The following JAML variants were observed in gnomAD, a reference collection of about 807,000 sequenced individuals.
JAML encodes junction adhesion molecule like.
JAML carries 25 observed loss-of-function variants against 39.3 expected under a neutral mutation model. That is an observed-to-expected ratio of 0.64 (90% confidence interval 0.46 to 0.89). The LOEUF is 0.89. Ranked by LOEUF, JAML falls within the 40% of genes least tolerant of loss-of-function variation. JAML has a pLI of 0.00. For synonymous variants in JAML, 162 were observed against 179.2 expected, an observed-to-expected ratio of 0.90 and a Z score of 0.77; for missense variants, 440 against 486.9, an observed-to-expected ratio of 0.90 and a Z score of 0.91.
chr11:118,198,182 G>C (rs2134642654), intron 7 of JAML, 91 bp from the exon 8 acceptor site: 2 of 1,051,472 alleles, frequency 1.9e-6, no homozygotes, highest in South Asian at 2.7e-5. Flanking sequence ...TTCGTGAAGA[G>C]AGAGACACCA....
At chr11:118,209,026 G>A (rs1174229138) in intron 4 of JAML, 1 of 238,570 alleles carries the variant, frequency 4.2e-6, no homozygotes, top group Non-Finnish European at 8.7e-6. Flanking sequence ...CTAGATTCTG[G>A]GGGAAGAATT....
chr11:118,214,972 C>A, intron 1 of JAML, 86 bp from the exon 2 acceptor site: 1 of 1,241,596 alleles, frequency 8.1e-7, no homozygotes, highest in Non-Finnish European at 1.2e-6. Context: ...CTATACGGAG[C>A]AGCCTCTGTT....
intron 8 of JAML, chr11:118,197,776 C>T: frequency 1.9e-6 from 1 of 521,718 alleles, no homozygotes. Context: ...CTTTCCTCAG[C>T]CCAATACCAG....
rs759203193 is a variant in JAML, at chr11:118,194,322, T to C, written c.*3A>G. The C allele has an allele frequency of 6.2e-7, 1 of 1,612,598 alleles. No individual in the cohort carries two copies. The highest frequency in any genetic ancestry group is 1.1e-5 in the South Asian group (1 of 91,040). On this transcript the variant is annotated 3_prime_UTR_variant, in exon 10 of 10. Coordinates refer to ENST00000356289, the MANE Select transcript of JAML (RefSeq NM_001098526.2). ...GCTGAGATGAAGGGACTCTCCATTC[T>C]TCTCAAAAGGCTTGCTGTGTTTTTG...
At chr11:118,202,836 T>C in intron 6 of JAML, 2 of 405,742 alleles carry the variant, frequency 4.9e-6, no homozygotes, top group Admixed American at 5.2e-5. Flanking sequence ...AACTGGGTTA[T>C]GGTTTAACTT....
chr11:118,194,149 G>A lies in JAML; in HGVS notation c.*176C>T. On this transcript the variant is annotated 3_prime_UTR_variant, in exon 10 of 10. Coordinates refer to ENST00000356289, the MANE Select transcript of JAML (RefSeq NM_001098526.2). ...TCCCCTCAGCAGGCCTGTTCCTCCA[G>A]AGCTGTCCAGTCTCTCTGCCAGGCT... is the stretch of plus-strand genomic sequence containing the variant. 1 of 606,844 alleles carries A rather than the reference G, an allele frequency of 1.6e-6. No individual in the cohort carries two copies. The highest frequency in any genetic ancestry group is 3.0e-6 in the Non-Finnish European group (1 of 334,160). 37.6% of individuals were successfully genotyped at this position (606,844 alleles called of 1,614,324 possible).
intron 1 of JAML, among the ~76,000 whole-genome samples, chr11:118,223,248 GA>G (rs1949228130): frequency 6.6e-6 from 1 of 152,030 alleles, no homozygotes; most frequent in Non-Finnish European, 1.5e-5. Flanking sequence ...TCCATAGGTC[GA>G]ACACTGAAAT....
At chr11:118,200,806 A>G (rs1793171) in intron 6 of JAML, 194 bp from the exon 7 acceptor site, 14,271 of 554,488 alleles carry the variant, frequency 0.026, 1,587 homozygotes, top group African/African-American at 0.24. Flanking sequence ...CGTTTACCCT[A>G]AAATGTAGAT....
At chr11:118,203,086 C>T (rs1487142913) in intron 6 of JAML, 1 of 489,136 alleles carries the variant, frequency 2.0e-6, no homozygotes, top group Non-Finnish European at 4.0e-6. Context: ...AGTATGCTGA[C>T]TTTGGACATC....
In JAML at chr11:118,194,619, C is replaced by A. The variant is rs1294057061; in HGVS notation, c.1093-202G>T. On this transcript the variant is annotated intron_variant, in intron 9 of 9. Transcript: ENST00000356289. ...ATAAGGAAACTGAGGCTCAGACAGG[C>A]CAAGTTACTGCCCAAGACCATCTGG... 2.6e-5 allele frequency among the ~76,000 whole-genome samples: 4 copies of A among 152,238 alleles called. No individual in the cohort carries two copies. In the East Asian group the frequency reaches 5.8e-4, roughly 22 times the overall value.
intron 1 of JAML, among the ~76,000 whole-genome samples, chr11:118,220,284 A>C (rs1949196777): frequency 6.6e-6 from 1 of 152,156 alleles, no homozygotes; most frequent in Admixed American, 6.5e-5. Context: ...CAGTGCAGAG[A>C]AGTCTTTCTG....
chr11:118,212,624 A>G lies in JAML; in HGVS notation c.44-63T>C, dbSNP rs550322061. ...CAAATACTCTCAACAACAAAAATCA[A>G]TTCCAATCATGGAGTACTAAACACC... On this transcript the variant is annotated intron_variant, in intron 2 of 9. Coordinates refer to ENST00000356289, the MANE Select transcript of JAML (RefSeq NM_001098526.2). The G allele has an allele frequency of 1.6e-4, 260 of 1,580,686 alleles. 4 individuals are homozygous for G. The South Asian group carries it at 2.7e-3, about 16-fold the overall frequency.
At chr11:118,219,952 C>T (rs1044493651) in intron 1 of JAML, among the ~76,000 whole-genome samples, 9 of 152,234 alleles carry the variant, frequency 5.9e-5, no homozygotes, top group Non-Finnish European at 7.3e-5. Context: ...CCTCTGGTGA[C>T]TTATGACAAC....
At chr11:118,199,325 C>A (rs773768321) in intron 7 of JAML, among the ~76,000 whole-genome samples, 2 of 152,128 alleles carry the variant, frequency 1.3e-5, no homozygotes, top group Non-Finnish European at 2.9e-5. Context: ...CTCAGTGCTC[C>A]GAGCATGCCC....
chr11:118,206,762 C>A (rs542026186), intron 4 of JAML, among the ~76,000 whole-genome samples: 41 of 152,272 alleles, frequency 2.7e-4, no homozygotes, highest in African/African-American at 9.4e-4. Context: ...GTACAAGCAG[C>A]TGACCCACCA....
intron 6 of JAML, chr11:118,203,058 G>A: frequency 2.1e-6 from 1 of 470,164 alleles, no homozygotes; most frequent in Admixed American, 2.3e-5. Flanking sequence ...AACACATACA[G>A]CACCTCCCTT....
At chr11:118,219,255 CAA>C (rs1315573126) in intron 1 of JAML, among the ~76,000 whole-genome samples, 5 of 151,998 alleles carry the variant, frequency 3.3e-5, no homozygotes, top group African/African-American at 9.7e-5. Context: ...TGGTTATTAT[CAA>C]AAAGACAAAA....
rs771661391 is a variant in JAML, at chr11:118,196,715, G to C, written c.1092+20C>G. Reference sequence around the variant, plus strand: ...TGAGCCTCTGACACCTGGCTCAGCTGAGGCCAGAATCATTCTCACCATGGT... The same window carrying C: ...TGAGCCTCTGACACCTGGCTCAGCTCAGGCCAGAATCATTCTCACCATGGT... On this transcript the variant is annotated intron_variant, in intron 9 of 9. Coordinates refer to ENST00000356289, the MANE Select transcript of JAML (RefSeq NM_001098526.2). The C allele has an allele frequency of 3.8e-6, 6 of 1,599,256 alleles. No individual in the cohort carries two copies. The highest frequency in any genetic ancestry group is 5.1e-6 in the Non-Finnish European group (6 of 1,166,690).
At chr11:118,207,584 TAGAG>T (rs1948944430) in intron 4 of JAML, among the ~76,000 whole-genome samples, 2 of 152,172 alleles carry the variant, frequency 1.3e-5, no homozygotes, top group African/African-American at 2.4e-5. Context: ...GGTAGAATCA[TAGAG>T]AGACTATCAA....
Sources: allele counts gnomAD v4.1 joint callset (sites outside exome capture counted in the v4.1 genomes callset), GRCh38; gene constraint gnomAD v4.1.1; transcripts MANE v1.5; gene names NCBI Gene and HGNC (gene_info 2026-07-23, HGNC 2026-07-21).